Variants in KCNQ3 observed in about 807,000 individuals in gnomAD.
KCNQ3 encodes potassium voltage-gated channel subfamily Q member 3.
In KCNQ3, 30 loss-of-function variants were observed where a neutral mutation model predicts 92.5. The ratio of observed to expected loss-of-function variants is 0.32; its 90% CI spans 0.24 to 0.44. KCNQ3 has a LOEUF of 0.44. Ranked by LOEUF, KCNQ3 falls within the 20% of genes least tolerant of loss-of-function variation. The pLI, the probability that KCNQ3 is intolerant of heterozygous loss-of-function variation, is 1.00. For missense variants in KCNQ3, 913 were observed against 1,140.3 expected, an observed-to-expected ratio of 0.80 and a Z score of 2.87; for synonymous variants, 450 against 468.8, an observed-to-expected ratio of 0.96 and a Z score of 0.52.
intron 1 of KCNQ3, among the ~76,000 whole-genome samples, chr8:132,290,733 G>A (rs1041985966): frequency 1.3e-4 from 20 of 152,098 alleles, no homozygotes; most frequent in African/African-American, 1.9e-4. Context: ...AGAAAACACC[G>A]GAACAGGATG....
chr8:132,198,050 G>GTCTATT (rs1449708300), intron 1 of KCNQ3, among the ~76,000 whole-genome samples: 74 of 152,304 alleles, frequency 4.9e-4, no homozygotes, highest in African/African-American at 1.8e-3. Context: ...CCAGTCAATA[G>GTCTATT]ACTACAGTAA....
Position 132,175,622 on chromosome 8 carries a change from C to G in KCNQ3, c.778-14G>C. ...CGTGATGAGTTCCTGAAAGAATGAA[C>G]AGTGGACATGAAAAGTGGTCACTGG... On this transcript the variant is annotated splice_polypyrimidine_tract_variant and intron_variant, in intron 4 of 14. Transcript: ENST00000388996. 6.2e-7 allele frequency: 1 copy of G among 1,613,322 alleles called. No individual in the cohort carries two copies. Among genetic ancestry groups the G allele is most frequent in the Non-Finnish European group, 8.5e-7 (1 of 1,179,566 alleles).
At chr8:132,258,844 T>A (rs569365062) in intron 1 of KCNQ3, among the ~76,000 whole-genome samples, 35 of 151,910 alleles carry the variant, frequency 2.3e-4, no homozygotes, top group African/African-American at 7.7e-4. Flanking sequence ...CTTAAAGAAA[T>A]AAAGAGAATT....
rs116180925 is a variant in KCNQ3 at position 132,440,575 on chromosome 8, G to A, written c.386+39572C>T. ...TGCAGCGTAGTTCTCCATGTCGGTCGTGGGAAACTGAGGCTTGGAGGGGTT... is the reference window on the plus strand; with the variant it reads ...TGCAGCGTAGTTCTCCATGTCGGTCATGGGAAACTGAGGCTTGGAGGGGTT... On this transcript the variant is annotated intron_variant, in intron 1 of 14. Transcript: ENST00000388996. 9.6e-3 allele frequency among the ~76,000 whole-genome samples: 1,467 copies of A among 152,256 alleles called. 33 individuals carry two copies. The highest frequency in any genetic ancestry group is 0.033 in the African/African-American group (1,377 of 41,548).
intron 1 of KCNQ3, among the ~76,000 whole-genome samples, chr8:132,420,308 A>G (rs190525455): frequency 1.9e-4 from 29 of 152,326 alleles, no homozygotes; most frequent in African/African-American, 6.7e-4. Context: ...CATTCAGTCC[A>G]TAACAGGTTG....
chr8:132,124,654 GT>G lies in KCNQ3; in HGVS notation c.*4607del, dbSNP rs1455200590. 1.1e-4 allele frequency: 17 copies of G among 152,236 alleles called. No individual in the cohort carries two copies. The highest frequency in any genetic ancestry group is 4.1e-4 in the African/African-American group (17 of 41,450). 9.4% of individuals were successfully genotyped at this position (152,236 alleles called of 1,614,324 possible). A position where few individuals can be genotyped will look rare whatever the true frequency, so the allele number is the denominator to read the frequency against. ...GGGCCAGTTGGCTCAGTTTGGAATG[GT>G]TTAATATCAGCAACAATAGCATTGG... is the stretch of plus-strand genomic sequence containing the variant. On this transcript the variant is annotated 3_prime_UTR_variant, in exon 15 of 15. Coordinates refer to ENST00000388996, the MANE Select transcript of KCNQ3 (RefSeq NM_004519.4).
At chr8:132,281,536 G>A (rs201821702) in intron 1 of KCNQ3, among the ~76,000 whole-genome samples, 2 of 106,332 alleles carry the variant, frequency 1.9e-5, no homozygotes, top group South Asian at 3.8e-4. Flanking sequence ...GTGTGTGTGT[G>A]TATATGTGTG....
intron 1 of KCNQ3, among the ~76,000 whole-genome samples, chr8:132,361,507 A>C (rs1027674128): frequency 2.6e-5 from 4 of 152,222 alleles, no homozygotes; most frequent in African/African-American, 9.6e-5. Flanking sequence ...ATGCCTTAGA[A>C]TAGCAACCTC....
At chr8:132,344,784 G>T (rs138386613) in intron 1 of KCNQ3, among the ~76,000 whole-genome samples, 3,518 of 152,322 alleles carry the variant, frequency 0.023, 64 homozygotes, top group South Asian at 0.095. Flanking sequence ...TGCAGAAGGA[G>T]TAATGGAGAC....
At chr8:132,328,967 C>T (rs1163955745) in intron 1 of KCNQ3, among the ~76,000 whole-genome samples, 1 of 152,202 alleles carries the variant, frequency 6.6e-6, no homozygotes, top group Non-Finnish European at 1.5e-5. Flanking sequence ...TCTCTACCCG[C>T]CCATTCAGTT....
chr8:132,472,832 T>A (rs1428388249), intron 1 of KCNQ3, among the ~76,000 whole-genome samples: 1 of 152,172 alleles, frequency 6.6e-6, no homozygotes, highest in African/African-American at 2.4e-5. Context: ...TTGACTTCAT[T>A]GTTACACAGT....
rs552538402 is a variant in KCNQ3, at chr8:132,447,209, G to A, written c.386+32938C>T. ...AGAATCCAAAGACTTACATCGTGGC[G>A]TGTTCTGCAGGCTTCATAAGGTAAT... On this transcript the variant is annotated intron_variant, in intron 1 of 14. Transcript: ENST00000388996. 7.8e-5 allele frequency: 119 copies of A among 1,535,406 alleles called. No individual in the cohort carries two copies. The South Asian group carries it at 7.9e-4, about 10-fold the overall frequency.
intron 13 of KCNQ3, 22 bp downstream of exon 13, chr8:132,134,268 A>G (rs1214134284): frequency 6.3e-7 from 1 of 1,583,040 alleles, no homozygotes; most frequent in African/African-American, 1.3e-5. Flanking sequence ...CTGGCCCATC[A>G]GTCCATGTCC....
chr8:132,156,020 G>A (rs1043050324), intron 9 of KCNQ3, among the ~76,000 whole-genome samples: 12 of 152,082 alleles, frequency 7.9e-5, no homozygotes, highest in African/African-American at 2.9e-4. Flanking sequence ...TGAGTCTGAG[G>A]ATCTATGAGG....
chr8:132,357,787 C>A (rs1014712076), intron 1 of KCNQ3, among the ~76,000 whole-genome samples: 32 of 152,182 alleles, frequency 2.1e-4, no homozygotes, highest in African/African-American at 6.5e-4. Flanking sequence ...TCCATGGGAT[C>A]CCCCACTCCA....
Position 132,141,223 on chromosome 8 carries a change from A to C in KCNQ3, c.1371T>G (p.Pro457=). Residue 457 remains proline (P), a synonymous_variant, in exon 10 of 15, where the codon CCT becomes CCG. Coordinates refer to ENST00000388996, the MANE Select transcript of KCNQ3 (RefSeq NM_004519.4). ...AGCCAACAGGCTTTGGTTCTTTAGAAGGACTTTCTTCTATGGCATCTACAT... is the reference window on the plus strand; with the variant it reads ...AGCCAACAGGCTTTGGTTCTTTAGACGGACTTTCTTCTATGGCATCTACAT... The part of the protein sequence containing the change: ...PLNVDAIEES[P]SKEPKPVGLN... 6.2e-7 allele frequency: 1 copy of C among 1,614,214 alleles called. No homozygotes were observed. The highest frequency in any genetic ancestry group is 1.3e-5 in the African/African-American group (1 of 75,068).
intron 1 of KCNQ3, among the ~76,000 whole-genome samples, chr8:132,217,953 C>A (rs1385761810): frequency 6.6e-6 from 1 of 152,146 alleles, no homozygotes; most frequent in Admixed American, 6.5e-5. Flanking sequence ...AGTTTGTTCT[C>A]CTAAGGAGGT....
intron 1 of KCNQ3, among the ~76,000 whole-genome samples, chr8:132,301,934 C>T (rs10956653): frequency 0.46 from 70,368 of 152,024 alleles, 16,955 homozygotes; most frequent in East Asian, 0.67. Context: ...TAATAGCAAG[C>T]AGTAAATACT....
intron 1 of KCNQ3, among the ~76,000 whole-genome samples, chr8:132,347,673 A>T (rs1818733838): frequency 6.6e-6 from 1 of 152,198 alleles, no homozygotes; most frequent in Admixed American, 6.5e-5. Context: ...GATAAAAGTT[A>T]TCCAGGTAAA....
Sources: gnomAD v4.1 joint callset for allele counts (sites outside exome capture counted in the v4.1 genomes callset) on GRCh38, gnomAD v4.1.1 for gene constraint, MANE v1.5 for transcripts, NCBI Gene and HGNC (gene_info 2026-07-23, HGNC 2026-07-21) for gene names.